Variants in IGF1R observed in about 807,000 individuals in gnomAD.
IGF1R encodes insulin-like growth factor 1 receptor.
IGF1R carries 44 observed loss-of-function variants against 144.6 expected under a neutral mutation model. That is an observed-to-expected ratio of 0.30 (90% CI 0.24 to 0.39). The LOEUF is 0.39. Among genes scored for constraint, IGF1R ranks in the 10% least tolerant of loss-of-function variants. The pLI is 1.00. For missense variants in IGF1R, 1,355 were observed against 1,833.7 expected, an observed-to-expected ratio of 0.74 and a Z score of 4.77; for synonymous variants, 795 against 722.8, an observed-to-expected ratio of 1.10 and a Z score of -1.60.
At chr15:98,809,617 A>T (rs1056548971) in intron 2 of IGF1R, among the ~76,000 whole-genome samples, 1 of 152,188 alleles carries the variant, frequency 6.6e-6, no homozygotes, top group African/African-American at 2.4e-5. Flanking sequence ...AATAGTCTTG[A>T]AGAGTTTCTG....
rs369481117 is a variant in IGF1R at position 98,957,244 on chromosome 15, C to T, written c.3906C>T (p.Ser1302=). The part of the protein sequence containing the change: ...ELDLEPENME[S]VPLDPSASSS... ...ACCTGGAGCCAGAGAACATGGAGAG[C>T]GTCCCCCTGGACCCCTCGGCCTCCT... The change falls in exon 21 of 21, where the codon AGC becomes AGT. Residue 1302 remains serine, a synonymous_variant. Coordinates refer to ENST00000650285, the MANE Select transcript of IGF1R (RefSeq NM_000875.5). The T allele has an allele frequency of 1.4e-5, 23 of 1,614,086 alleles. No individual in the cohort carries two copies. In the Admixed American group the frequency reaches 2.0e-4, roughly 14 times the overall value.
At chr15:98,821,196 G>A (rs958614295) in intron 2 of IGF1R, among the ~76,000 whole-genome samples, 6 of 152,058 alleles carry the variant, frequency 3.9e-5, no homozygotes, top group African/African-American at 1.4e-4. Context: ...TGTGAGACGC[G>A]CTACATTGCG....
At chr15:98,909,526 T>G (rs936468715) in intron 6 of IGF1R, among the ~76,000 whole-genome samples, 1 of 152,232 alleles carries the variant, frequency 6.6e-6, no homozygotes, top group Admixed American at 6.5e-5. Context: ...CCCAAAGTGC[T>G]GGGATTACAG....
chr15:98,863,343 T>C (rs1284475218), intron 2 of IGF1R, among the ~76,000 whole-genome samples: 1 of 152,200 alleles, frequency 6.6e-6, no homozygotes, highest in Non-Finnish European at 1.5e-5. Flanking sequence ...GCTTCCTCCA[T>C]TATCATTACT....
At chr15:98,922,476 C>CTAGTGGAGAAGATGTGTTTTATGGACTA in intron 11 of IGF1R, 45 bp downstream of exon 11, 1 of 1,594,428 alleles carries the variant, frequency 6.3e-7, no homozygotes. Context: ...TCCTCACAAC[C>CTAGTGGAGAAGATGTGTTTTATGGACTA]TAGTGGAGAA....
chr15:98,845,414 C>CCCCCTCCCTCTTCCT (rs2011275531), intron 2 of IGF1R, among the ~76,000 whole-genome samples: 1 of 107,464 alleles, frequency 9.3e-6, no homozygotes, highest in Non-Finnish European at 1.9e-5. Flanking sequence ...CCCTCCTCCT[C>CCCCCTCCCTCTTCCT]CCCCTCCCTC....
At chr15:98,887,772 G>A (rs7178190) in intron 2 of IGF1R, among the ~76,000 whole-genome samples, 90 of 152,274 alleles carry the variant, frequency 5.9e-4, no homozygotes, top group African/African-American at 2.1e-3. Flanking sequence ...AATAACATAG[G>A]CTGGGAGTCT....
rs2017236190 is a variant in IGF1R at position 98,961,780 on chromosome 15, C to T, written c.*4338C>T. On this transcript the variant is annotated 3_prime_UTR_variant, in exon 21 of 21. Transcript: ENST00000650285. ...ACCCCAGGTCTCCTTCGTGGGATGT[C>T]ATGACGTTTGACATACCTTTGGAAC... 4.3e-6 allele frequency: 1 copy of T among 233,352 alleles called. No individual in the cohort carries two copies. The highest frequency in any genetic ancestry group is 2.2e-5 in the African/African-American group (1 of 45,338). The allele number at this position is 233,352 out of a possible 1,614,324, so 14.5% of individuals were successfully genotyped here. A position where few individuals can be genotyped will look rare whatever the true frequency, so the allele number is the denominator to read the frequency against.
chr15:98,899,983 G>A (rs962017278), intron 5 of IGF1R, among the ~76,000 whole-genome samples: 2 of 152,132 alleles, frequency 1.3e-5, no homozygotes, highest in African/African-American at 4.8e-5. Flanking sequence ...CATTGTTCGC[G>A]CGACCCTCAT....
chr15:98,752,037 C>T (rs2055024579), intron 2 of IGF1R, among the ~76,000 whole-genome samples: 1 of 152,102 alleles, frequency 6.6e-6, no homozygotes. Context: ...GGCTGTCTTC[C>T]TAGGGTTCCT....
intron 2 of IGF1R, among the ~76,000 whole-genome samples, chr15:98,802,035 G>A (rs1032342976): frequency 6.6e-6 from 1 of 152,174 alleles, no homozygotes; most frequent in African/African-American, 2.4e-5. Context: ...CCTGCATGGG[G>A]TCATGTGTGT....
chr15:98,906,354 A>G (rs571673544), intron 5 of IGF1R, among the ~76,000 whole-genome samples: 1 of 152,348 alleles, frequency 6.6e-6, no homozygotes, highest in African/African-American at 2.4e-5. Flanking sequence ...AGGTTTCTTC[A>G]TCAACAAGGA....
intron 1 of IGF1R, among the ~76,000 whole-genome samples, chr15:98,657,123 A>C (rs967869966): frequency 3.3e-5 from 5 of 152,232 alleles, no homozygotes; most frequent in African/African-American, 1.2e-4. Flanking sequence ...GGTTATTGGG[A>C]ATATGTGCTT....
chr15:98,943,263 G>C (rs571927157), intron 19 of IGF1R, among the ~76,000 whole-genome samples: 1 of 152,232 alleles, frequency 6.6e-6, no homozygotes, highest in Non-Finnish European at 1.5e-5. Flanking sequence ...GGATTTTAAA[G>C]AATTTATGGG....
intron 1 of IGF1R, among the ~76,000 whole-genome samples, chr15:98,656,105 G>A (rs1432121396): frequency 1.3e-5 from 2 of 152,200 alleles, no homozygotes; most frequent in Admixed American, 6.5e-5. Context: ...TAAGTTGTTG[G>A]GCCTTGTGTC....
chr15:98,713,640 A>AGGGAC (rs1200154994), intron 2 of IGF1R, among the ~76,000 whole-genome samples: 2 of 152,138 alleles, frequency 1.3e-5, no homozygotes, highest in African/African-American at 2.4e-5. Context: ...CTGCCCTGGG[A>AGGGAC]GGGACGGAGG....
chr15:98,894,937 C>G (rs1339594947), intron 3 of IGF1R, among the ~76,000 whole-genome samples: 1 of 150,988 alleles, frequency 6.6e-6, no homozygotes, highest in Non-Finnish European at 1.5e-5. Context: ...AGGAGAATCA[C>G]TTGAACCCAG....
Position 98,935,035 on chromosome 15 carries a change from G to A in IGF1R, c.3168G>A (p.Glu1056=). The change falls in exon 16 of 21, where the codon GAG becomes GAA. Residue 1056 remains glutamate, a synonymous_variant. Coordinates refer to ENST00000650285, the MANE Select transcript of IGF1R (RefSeq NM_000875.5). The surrounding 1 kb of genome is among the most constrained non-coding windows in gnomAD (Gnocchi z 4.2). ...EFLNEASVMK[E]FNCHHVVRLL... The stretch of plus-strand genomic sequence containing the variant: ...TCAACGAAGCTTCTGTGATGAAGGA[G>A]TTCAATTGTCACCATGTGGTAAGAG... 1 of 1,613,808 alleles carries A rather than the reference G, an allele frequency of 6.2e-7. No homozygotes were observed. Among genetic ancestry groups the A allele is most frequent in the Non-Finnish European group, 8.5e-7 (1 of 1,179,688 alleles).
chr15:98,947,817 C>G (rs1368974167), intron 19 of IGF1R, among the ~76,000 whole-genome samples: 3 of 152,208 alleles, frequency 2.0e-5, no homozygotes, highest in Non-Finnish European at 2.9e-5. Context: ...CCCTGGTCCC[C>G]CCACCTGTGA....
Sources: gnomAD v4.1 joint callset for allele counts (sites outside exome capture counted in the v4.1 genomes callset) on GRCh38, gnomAD v4.1.1 for gene constraint, Gnocchi (gnomAD v3.1) non-coding constraint, MANE v1.5 for transcripts, NCBI Gene and HGNC (gene_info 2026-07-23, HGNC 2026-07-21) for gene names.